Variants in GPM6B observed in about 807,000 individuals in gnomAD.
The protein encoded by GPM6B is glycoprotein M6B, also known as neuronal membrane glycoprotein M6-b.
GPM6B carries 4 observed loss-of-function variants against 27.2 expected under a neutral mutation model. The ratio of observed to expected loss-of-function variants is 0.15; its 90% CI spans 0.07 to 0.34. GPM6B has a LOEUF of 0.34. Ranked by LOEUF, GPM6B falls within the 10% of genes least tolerant of loss-of-function variation. The pLI is 1.00. For synonymous variants in GPM6B, 124 were observed against 103.1 expected (o/e 1.20, Z -1.23); for missense variants, 183 against 261.9 (o/e 0.70, Z 2.08).
At chrX:13,878,918 A>G (rs1468409684) in intron 1 of GPM6B, among the ~76,000 whole-genome samples, 1 of 112,091 alleles carries the variant, frequency 8.9e-6, no homozygotes, top group African/African-American at 3.2e-5. Flanking sequence ...AGCCTCTAGA[A>G]GGTGGAAAGG....
chrX:13,779,973 T>C lies in GPM6B; in HGVS notation c.542A>G (p.Tyr181Cys), dbSNP rs1385169888. 1.7e-6 allele frequency: 2 copies of C among 1,188,483 alleles called. No individual in the cohort carries two copies. The highest frequency in any genetic ancestry group is 1.8e-5 in the South Asian group (1 of 54,331). Residue 181 changes from tyrosine (Y) to cysteine (C), a missense_variant, in exon 5 of 8, where the codon TAT becomes TGT. Tyr to Cys is a radical substitution (Grantham distance 194, BLOSUM62 -2). Coordinates refer to ENST00000316715, the MANE Select transcript of GPM6B (RefSeq NM_001001995.3). ...CISGMFVFLTYVLGVAWLGVF... is the reference protein window; with the variant it reads ...CISGMFVFLTCVLGVAWLGVF... ...ACCCAGCCAGGCCACTCCAAGCACA[T>C]AGGTGAGGAAAACGAACTAGGCCAA...
At chrX:13,930,391 G>C (rs1363077861) in intron 1 of GPM6B, among the ~76,000 whole-genome samples, 4 of 111,617 alleles carry the variant, frequency 3.6e-5, no homozygotes, top group South Asian at 3.8e-4. Context: ...GAGGCGGGCA[G>C]ATCACGAGGT....
At chrX:13,825,009 G>A (rs1212786974) in intron 1 of GPM6B, among the ~76,000 whole-genome samples, 2 of 111,523 alleles carry the variant, frequency 1.8e-5, no homozygotes, top group Admixed American at 9.5e-5. Flanking sequence ...CTCTGCCTCC[G>A]TCATCACATG....
chrX:13,921,055 A>T (rs1444253070), intron 1 of GPM6B, among the ~76,000 whole-genome samples: 1 of 112,414 alleles, frequency 8.9e-6, no homozygotes, highest in African/African-American at 3.2e-5. Flanking sequence ...TCAGTTTTAT[A>T]TCATATATGC....
chrX:13,869,162 C>T (rs745601460), intron 1 of GPM6B, among the ~76,000 whole-genome samples: 1 of 112,343 alleles, frequency 8.9e-6, no homozygotes, highest in African/African-American at 3.2e-5. Flanking sequence ...GAATGAAGTA[C>T]TGACACATGC....
chrX:13,920,149 G>C (rs1236185144), intron 1 of GPM6B, among the ~76,000 whole-genome samples: 1 of 106,765 alleles, frequency 9.4e-6, no homozygotes, highest in Non-Finnish European at 1.9e-5. Context: ...TATAATCCCA[G>C]CTAGCTACTC....
At chrX:13,796,538 C>T (rs1338132165) in intron 2 of GPM6B, among the ~76,000 whole-genome samples, 2 of 112,359 alleles carry the variant, frequency 1.8e-5, no homozygotes, top group South Asian at 3.7e-4. Context: ...ACAGGGGCTT[C>T]CTGTCCAAGA....
intron 1 of GPM6B, among the ~76,000 whole-genome samples, chrX:13,828,612 C>A (rs751044440): frequency 7.2e-5 from 8 of 111,865 alleles, no homozygotes; most frequent in African/African-American, 1.3e-4. Context: ...GGATACTTGG[C>A]GAGTTCCTTT....
chrX:13,926,956 C>T (rs1053737369), intron 1 of GPM6B, among the ~76,000 whole-genome samples: 6 of 111,150 alleles, frequency 5.4e-5, no homozygotes, highest in African/African-American at 2.0e-4. Context: ...AGATTTAGTA[C>T]AACAAAAGAT....
chrX:13,893,731 G>T (rs763834001), intron 1 of GPM6B, among the ~76,000 whole-genome samples: 4 of 112,296 alleles, frequency 3.6e-5, no homozygotes, highest in South Asian at 7.4e-4. Context: ...CTACTAGCTC[G>T]TATCTTTACT....
intron 1 of GPM6B, among the ~76,000 whole-genome samples, chrX:13,837,339 C>T (rs976859414): frequency 4.5e-5 from 5 of 111,547 alleles, no homozygotes; most frequent in Non-Finnish European, 9.4e-5. Context: ...AGTTCCCCAC[C>T]CTGGCGTGTT....
intron 1 of GPM6B, among the ~76,000 whole-genome samples, chrX:13,814,681 A>G (rs377661082): frequency 2.2e-4 from 25 of 111,995 alleles, no homozygotes; most frequent in East Asian, 1.4e-3. Context: ...GGAAACTACA[A>G]AGTGTCTTGT....
At chrX:13,856,119 C>G (rs1452092350) in intron 1 of GPM6B, among the ~76,000 whole-genome samples, 1 of 111,995 alleles carries the variant, frequency 8.9e-6, no homozygotes, top group Admixed American at 9.5e-5. Context: ...CACATATTAA[C>G]TCTCTGGTTT....
At chrX:13,798,656 G>A (rs1019950050) in intron 2 of GPM6B, among the ~76,000 whole-genome samples, 2 of 112,645 alleles carry the variant, frequency 1.8e-5, no homozygotes, top group Non-Finnish European at 3.8e-5. Context: ...GACTTATCAA[G>A]CTATCCATGC....
intron 1 of GPM6B, among the ~76,000 whole-genome samples, chrX:13,888,614 AAGACT>A (rs2050159882): frequency 8.9e-6 from 1 of 112,130 alleles, no homozygotes; most frequent in Admixed American, 9.5e-5. Flanking sequence ...TGCATGAGAC[AAGACT>A]ATTTTATTCT....
intron 1 of GPM6B, among the ~76,000 whole-genome samples, chrX:13,826,744 TTTTG>T (rs1199630072): frequency 9.1e-6 from 1 of 109,998 alleles, no homozygotes; most frequent in East Asian, 2.8e-4. Flanking sequence ...TTTTTTGTTT[TTTTG>T]TTTTTTTTTT....
Position 13,895,904 on chromosome X carries a change from G to A in GPM6B, c.-198+42423C>T, listed in dbSNP as rs531127118. Among the ~76,000 whole-genome samples the A allele has an allele frequency of 3.5e-4, 38 of 108,504 alleles. No homozygotes were observed. In the South Asian group the frequency reaches 0.014, roughly 41 times the overall value. The allele number at this position is 108,504 out of a possible 115,157, so 94.2% of individuals were successfully genotyped here. On this transcript the variant is annotated intron_variant, in intron 1 of 6. Transcript: ENST00000398361. ...CACTCCTGTAATGCCAACATTTTGCGAGGCCCAGATGGGAGGACCACTTGA... is the reference window on the plus strand; with the variant it reads ...CACTCCTGTAATGCCAACATTTTGCAAGGCCCAGATGGGAGGACCACTTGA...
chrX:13,911,615 C>T (rs1418573859), intron 1 of GPM6B, among the ~76,000 whole-genome samples: 1 of 112,088 alleles, frequency 8.9e-6, no homozygotes, highest in Non-Finnish European at 1.9e-5. Flanking sequence ...TCAATTTTGG[C>T]CTTTACAATT....
intron 2 of GPM6B, among the ~76,000 whole-genome samples, chrX:13,795,780 A>T (rs1412555335): frequency 1.1e-5 from 1 of 88,406 alleles, no homozygotes; most frequent in Non-Finnish European, 2.1e-5. Flanking sequence ...GTCTCGCTCC[A>T]TCTTAAAAAA....
Sources: allele counts gnomAD v4.1 joint callset (sites outside exome capture counted in the v4.1 genomes callset), GRCh38; gene constraint gnomAD v4.1.1; transcripts MANE v1.5; gene names NCBI Gene and HGNC (gene_info 2026-07-23, HGNC 2026-07-21).